PKD1L1: variants seen among roughly 807,000 people sequenced by gnomAD.
PKD1L1 encodes polycystin-1-like protein 1.
PKD1L1 carries 236 observed loss-of-function variants against 323.4 expected under a neutral mutation model. The observed-to-expected ratio is 0.73, with a 90% confidence interval of 0.66 to 0.81. PKD1L1 has a LOEUF of 0.81. Ranked by LOEUF, PKD1L1 falls within the 40% of genes least tolerant of loss-of-function variation. The pLI is 0.00. For synonymous variants in PKD1L1, 1,344 were observed against 1,335.0 expected, an observed-to-expected ratio of 1.01 and a Z score of -0.15; for missense variants, 3,320 against 3,508.0, an observed-to-expected ratio of 0.95 and a Z score of 1.35.
intron 56 of PKD1L1, among the ~76,000 whole-genome samples, chr7:47,789,967 C>T (rs1256207117): frequency 6.6e-6 from 1 of 152,074 alleles, no homozygotes; most frequent in East Asian, 1.9e-4. Flanking sequence ...CGGCTCACCG[C>T]AACCTCTGCC....
chr7:47,929,699 T>A (rs1042834537), intron 6 of PKD1L1, among the ~76,000 whole-genome samples, 173 bp from the exon 7 acceptor site: 1 of 152,160 alleles, frequency 6.6e-6, no homozygotes, highest in Non-Finnish European at 1.5e-5. Flanking sequence ...GCCAGCAGCA[T>A]CAGCATCACC....
At chr7:47,896,732 T>C (rs17131921) in intron 14 of PKD1L1, among the ~76,000 whole-genome samples, 3,266 of 152,184 alleles carry the variant, frequency 0.021, 122 homozygotes, top group African/African-American at 0.074. Context: ...CGTTCAGTAT[T>C]ACAGATTTTC....
At chr7:47,873,534 C>A (rs113397977) in intron 24 of PKD1L1, among the ~76,000 whole-genome samples, 48,803 of 150,686 alleles carry the variant, frequency 0.32, 8,415 homozygotes, top group African/African-American at 0.43. Flanking sequence ...GTAATCCCAG[C>A]TACTCAGGAG....
intron 45 of PKD1L1, 41 bp from the exon 46 acceptor site, chr7:47,821,227 G>T: frequency 8.0e-7 from 1 of 1,247,932 alleles, no homozygotes; most frequent in Non-Finnish European, 1.2e-6. Flanking sequence ...TACAGACCCT[G>T]TATGTAGGTA....
At chr7:47,889,983 C>T (rs1209406326) in intron 16 of PKD1L1, among the ~76,000 whole-genome samples, 3 of 152,228 alleles carry the variant, frequency 2.0e-5, no homozygotes, top group Non-Finnish European at 4.4e-5. Flanking sequence ...TCCTGGTATC[C>T]TGTGTTTGGT....
At chr7:47,812,944 A>G (rs371007191) in intron 49 of PKD1L1, among the ~76,000 whole-genome samples, 177 bp downstream of exon 49, 2 of 152,230 alleles carry the variant, frequency 1.3e-5, no homozygotes, top group Admixed American at 6.5e-5. Context: ...AGCCTGTGTG[A>G]TGCTTCTATC....
intron 34 of PKD1L1, 74 bp downstream of exon 34, chr7:47,842,888 A>G: frequency 7.1e-7 from 1 of 1,415,754 alleles, no homozygotes; most frequent in Non-Finnish European, 9.6e-7. Flanking sequence ...GGGCAGCCAA[A>G]TCACCAAATC....
chr7:47,887,478 C>A (rs76012904), intron 17 of PKD1L1, among the ~76,000 whole-genome samples: 6,969 of 152,268 alleles, frequency 0.046, 386 homozygotes, highest in African/African-American at 0.14. Context: ...TTTTACTTAG[C>A]CCTGATACCA....
At chr7:47,894,192 C>T in intron 14 of PKD1L1, 133 bp from the exon 15 acceptor site, 1 of 744,408 alleles carries the variant, frequency 1.3e-6, no homozygotes, top group Non-Finnish European at 2.1e-6. Flanking sequence ...CTAAAACAGT[C>T]TTGGTAGTCA....
At chr7:47,908,003 A>C in intron 9 of PKD1L1, 74 bp downstream of exon 9, 1 of 1,442,698 alleles carries the variant, frequency 6.9e-7, no homozygotes. Flanking sequence ...CTTGAACAGT[A>C]TAAGTAAAGC....
chr7:47,951,235 C>A (rs1879833), upstream of PKD1L1, among the ~76,000 whole-genome samples: 70,982 of 151,936 alleles, frequency 0.47, 17,169 homozygotes, highest in East Asian at 0.54. Context: ...TATGACCTTG[C>A]TGAAAGGAGG....
At chr7:47,885,134 TCCAG>T (rs1455214650) in intron 18 of PKD1L1, among the ~76,000 whole-genome samples, 3 of 152,092 alleles carry the variant, frequency 2.0e-5, no homozygotes, top group Non-Finnish European at 4.4e-5. Context: ...CAGCGGTCCC[TCCAG>T]CCAGCCAGCC....
chr7:47,875,282 T>C lies in PKD1L1; in HGVS notation c.3784+815A>G, dbSNP rs557335503. On this transcript the variant is annotated intron_variant, in intron 23 of 56. Transcript: ENST00000289672. ...TTCTAACTGAAGGTGACAGGCAAAGTTTCATGAAGAAGAAGGAACTTCAGC... is the reference window on the plus strand; with the variant it reads ...TTCTAACTGAAGGTGACAGGCAAAGCTTCATGAAGAAGAAGGAACTTCAGC... 1.0e-3 allele frequency among the ~76,000 whole-genome samples: 155 copies of C among 152,232 alleles called. 2 individuals carry two copies. Among genetic ancestry groups the C allele is most frequent in the African/African-American group, 3.6e-3 (149 of 41,542 alleles).
chr7:47,809,345 C>T, intron 51 of PKD1L1, 128 bp downstream of exon 51: 2 of 680,936 alleles, frequency 2.9e-6, no homozygotes, highest in South Asian at 4.0e-5. Context: ...ATTAACACTA[C>T]AGAGGGAGAA....
chr7:47,855,509 A>AT (rs896779658), intron 28 of PKD1L1, among the ~76,000 whole-genome samples: 1 of 152,322 alleles, frequency 6.6e-6, no homozygotes, highest in East Asian at 1.9e-4. Flanking sequence ...ATTTTGAAGT[A>AT]TTTTTTATTT....
intron 10 of PKD1L1, among the ~76,000 whole-genome samples, chr7:47,905,600 T>A (rs1787186698): frequency 6.6e-6 from 1 of 152,232 alleles, no homozygotes; most frequent in African/African-American, 2.4e-5. Flanking sequence ...GTGTGGCACA[T>A]GGAGCTGGCA....
rs754538052 is a variant in PKD1L1 at position 47,915,490 on chromosome 7, G to C, written c.1170C>G (p.Cys390Trp). The part of the protein sequence containing the change: ...NVYLCQSENS[C>W]LEDSDPSNLG... ...GGTTACTGGGGTCTGAGTCTTCCAG[G>C]CAGCTGTTTTCACTTTGGCACAAGT... The change falls in exon 8 of 57, where the codon TGC (cysteine) becomes TGG (tryptophan). Residue 390 changes from cysteine (C) to tryptophan (W), a missense_variant. Physicochemically the swap from Cys to Trp is radical, Grantham distance 215. Coordinates refer to ENST00000289672, the MANE Select transcript of PKD1L1 (RefSeq NM_138295.5). 4.6e-6 allele frequency: 6 copies of C among 1,296,532 alleles called. No individual in the cohort carries two copies. The highest frequency in any genetic ancestry group is 5.6e-6 in the Non-Finnish European group (5 of 890,518). 80.3% of individuals were successfully genotyped at this position (1,296,532 alleles called of 1,614,324 possible).
chr7:47,803,089 A>G, intron 53 of PKD1L1, 121 bp downstream of exon 53: 1 of 1,230,366 alleles, frequency 8.1e-7, no homozygotes, highest in Non-Finnish European at 1.1e-6. Flanking sequence ...GGATTAGAAG[A>G]CTGGAATTCT....
At chr7:47,790,130 C>G (rs758525031) in intron 56 of PKD1L1, among the ~76,000 whole-genome samples, 1 of 151,884 alleles carries the variant, frequency 6.6e-6, no homozygotes, top group African/African-American at 2.4e-5. Context: ...ACCTTGTGAT[C>G]CGCCCACCTA....
Sources: gnomAD v4.1 joint callset for allele counts (sites outside exome capture counted in the v4.1 genomes callset) on GRCh38, gnomAD v4.1.1 for gene constraint, MANE v1.5 for transcripts, NCBI Gene and HGNC (gene_info 2026-07-23, HGNC 2026-07-21) for gene names.